TBC1D1: variants seen among roughly 807,000 people sequenced by gnomAD.
The protein encoded by TBC1D1 is TBC1 domain family member 1.
Under a neutral mutation model 125.6 loss-of-function variants are expected in TBC1D1, and 89 were observed. That is an observed-to-expected ratio of 0.71 (90% confidence interval 0.60 to 0.85). The LOEUF is 0.85. Ranked by LOEUF, TBC1D1 falls within the 40% of genes least tolerant of loss-of-function variation. The probability of loss-of-function intolerance (pLI) is 0.00; values close to 1 mark genes in which losing one functional copy is unlikely to be tolerated. For synonymous variants in TBC1D1, 565 were observed against 564.1 expected (o/e 1.00, Z -0.02); for missense variants, 1,377 against 1,469.2 (o/e 0.94, Z 1.03).
chr4:38,079,321 A>C (rs1756138065), intron 12 of TBC1D1, among the ~76,000 whole-genome samples: 1 of 149,168 alleles, frequency 6.7e-6, no homozygotes, highest in Non-Finnish European at 1.5e-5. Context: ...CTGGATTAGC[A>C]GGGAGCGGCC....
In TBC1D1 at chr4:38,137,681, T is replaced by G. The variant is rs190469420; in HGVS notation, c.*346T>G. The G allele has an allele frequency of 7.8e-4, 170 of 219,286 alleles. No individual in the cohort carries two copies. The highest frequency in any genetic ancestry group is 5.7e-3 in the Middle Eastern group (4 of 702). 13.6% of individuals were successfully genotyped at this position (219,286 alleles called of 1,614,324 possible). A position where few individuals can be genotyped will look rare whatever the true frequency, so the allele number is the denominator to read the frequency against. ...AAGAGCATTCACAATACGGTGGAAT[T>G]TCAAAAGCTGGAAGAGCTCGAGATC... On this transcript the variant is annotated 3_prime_UTR_variant, in exon 20 of 20. Coordinates refer to ENST00000261439, the MANE Select transcript of TBC1D1 (RefSeq NM_015173.4).
intron 2 of TBC1D1, among the ~76,000 whole-genome samples, chr4:37,954,866 AT>A (rs11380098): frequency 8.1e-4 from 97 of 119,110 alleles, no homozygotes; most frequent in Admixed American, 1.2e-3. Context: ...TTAGCAGTGG[AT>A]TTTTTTTTTT....
chr4:38,031,179 G>A (rs539740616), intron 7 of TBC1D1, among the ~76,000 whole-genome samples: 48 of 152,230 alleles, frequency 3.2e-4, no homozygotes, highest in Admixed American at 9.8e-4. Flanking sequence ...TGAAGCCAAT[G>A]TGGAGCTAGT....
At chr4:37,946,049 A>G (rs1726638977) in intron 2 of TBC1D1, among the ~76,000 whole-genome samples, 1 of 152,340 alleles carries the variant, frequency 6.6e-6, no homozygotes, top group East Asian at 1.9e-4. Flanking sequence ...TTTTGATACA[A>G]AGAAACATTG....
chr4:37,931,843 A>G (rs1443925551), intron 2 of TBC1D1, among the ~76,000 whole-genome samples: 1 of 152,192 alleles, frequency 6.6e-6, no homozygotes, highest in East Asian at 1.9e-4. Context: ...CTCATCCTTC[A>G]GTATGAAACA....
At chr4:37,929,133 A>G (rs1373280391) in intron 2 of TBC1D1, among the ~76,000 whole-genome samples, 1 of 152,218 alleles carries the variant, frequency 6.6e-6, no homozygotes, top group East Asian at 1.9e-4. Context: ...TGATGCTTTT[A>G]TAGTGGCTAG....
chr4:37,962,823 T>C (rs1730309853), intron 2 of TBC1D1, among the ~76,000 whole-genome samples: 1 of 152,174 alleles, frequency 6.6e-6, no homozygotes, highest in Non-Finnish European at 1.5e-5. Flanking sequence ...GGGAATTGAA[T>C]AAAAACTTGG....
chr4:37,925,599 C>G lies in TBC1D1; in HGVS notation c.417+23087C>G, dbSNP rs192177267. On this transcript the variant is annotated intron_variant, in intron 2 of 19. Coordinates refer to ENST00000261439, the MANE Select transcript of TBC1D1 (RefSeq NM_015173.4). ...GGCATGGTGAGGCACGCCTGTAGTCCCAGCTACTTAGGAGCGGAGGTTGCA... is the reference window on the plus strand; with the variant it reads ...GGCATGGTGAGGCACGCCTGTAGTCGCAGCTACTTAGGAGCGGAGGTTGCA... Among the ~76,000 whole-genome samples, 312 of 150,966 alleles carry G rather than the reference C, an allele frequency of 2.1e-3. 2 individuals carry two copies. The highest frequency in any genetic ancestry group is 7.2e-3 in the African/African-American group (294 of 41,092).
intron 8 of TBC1D1, among the ~76,000 whole-genome samples, chr4:38,038,923 G>A (rs1747748338): frequency 1.3e-5 from 2 of 149,504 alleles, no homozygotes; most frequent in African/African-American, 5.0e-5. Context: ...TCCAGCCTGG[G>A]CGACAGAGAG....
chr4:38,007,740 C>T (rs558626110), intron 2 of TBC1D1, among the ~76,000 whole-genome samples: 4 of 152,308 alleles, frequency 2.6e-5, no homozygotes, highest in African/African-American at 9.6e-5. Context: ...TTCATCTCTG[C>T]GGTAAGCATG....
At chr4:38,000,655 G>A (rs1738860773) in intron 2 of TBC1D1, among the ~76,000 whole-genome samples, 1 of 152,192 alleles carries the variant, frequency 6.6e-6, no homozygotes, top group Non-Finnish European at 1.5e-5. Context: ...GACATCAGAT[G>A]TGTCAGAGTT....
chr4:38,064,662 C>T (rs1178542634), intron 12 of TBC1D1, among the ~76,000 whole-genome samples: 1 of 148,934 alleles, frequency 6.7e-6, no homozygotes, highest in African/African-American at 2.5e-5. Context: ...CTTGCTCTGT[C>T]GCCCAGGCTG....
rs535381057 is a variant in TBC1D1, at chr4:38,114,261, G to A, written c.2558-1449G>A. Among the ~76,000 whole-genome samples the A allele has an allele frequency of 3.3e-5, 5 of 152,308 alleles. No individual in the cohort carries two copies. In the East Asian group the frequency reaches 9.7e-4, roughly 29 times the overall value. On this transcript the variant is annotated intron_variant, in intron 15 of 19. Transcript: ENST00000261439. ...GCTTACTAGCAGCAAGGTGACTTGT[G>A]CAGGGTATATCTGGGGGAGATTTAC...
intron 2 of TBC1D1, among the ~76,000 whole-genome samples, chr4:38,013,085 G>A (rs1050652095): frequency 5.9e-5 from 9 of 152,132 alleles, no homozygotes; most frequent in South Asian, 2.1e-4. Context: ...GAGCCACTGC[G>A]CCTGGCTGAA....
intron 3 of TBC1D1, among the ~76,000 whole-genome samples, chr4:38,016,225 A>G (rs935684322): frequency 6.6e-6 from 1 of 152,228 alleles, no homozygotes; most frequent in African/African-American, 2.4e-5. Context: ...AGCATTTCTC[A>G]GGGTAATCAG....
intron 12 of TBC1D1, among the ~76,000 whole-genome samples, chr4:38,075,048 C>G (rs954172385): frequency 6.6e-6 from 1 of 152,134 alleles, no homozygotes. Context: ...CGTGAGCCAC[C>G]GCGCCTGGCC....
intron 12 of TBC1D1, among the ~76,000 whole-genome samples, chr4:38,065,615 A>G (rs1288769449): frequency 6.6e-6 from 1 of 151,042 alleles, no homozygotes. Context: ...ACTTTTACAC[A>G]ATTAGATGAT....
intron 12 of TBC1D1, among the ~76,000 whole-genome samples, chr4:38,088,334 T>A (rs1757888540): frequency 6.6e-6 from 1 of 152,236 alleles, no homozygotes; most frequent in South Asian, 2.1e-4. Flanking sequence ...ATCTTTCATT[T>A]TAATTAGAAT....
At chr4:38,131,158 T>A (rs561893975) in intron 18 of TBC1D1, among the ~76,000 whole-genome samples, 1 of 152,304 alleles carries the variant, frequency 6.6e-6, no homozygotes, top group East Asian at 1.9e-4. Flanking sequence ...TAGGGATTAA[T>A]GGAGGCCTGG....
Sources: gnomAD v4.1 joint callset for allele counts (sites outside exome capture counted in the v4.1 genomes callset) on GRCh38, gnomAD v4.1.1 for gene constraint, MANE v1.5 for transcripts, NCBI Gene and HGNC (gene_info 2026-07-23, HGNC 2026-07-21) for gene names.